Variants in CADM1 observed in about 807,000 individuals in gnomAD.
CADM1 encodes the protein cell adhesion molecule 1.
In CADM1, 15 loss-of-function variants were observed where a neutral mutation model predicts 53.1. The ratio of observed to expected loss-of-function variants is 0.28; its 90% CI spans 0.19 to 0.44. The LOEUF is 0.44. CADM1 is among the 20% of genes least tolerant of loss of function. The pLI, the probability that CADM1 is intolerant of heterozygous loss-of-function variation, is 1.00. For missense variants in CADM1, 434 were observed against 611.3 expected (o/e 0.71, Z 3.06); for synonymous variants, 281 against 243.0 (o/e 1.16, Z -1.45).
intron 9 of CADM1, among the ~76,000 whole-genome samples, chr11:115,196,876 G>A (rs1404248158): frequency 6.6e-6 from 1 of 152,156 alleles, no homozygotes; most frequent in Non-Finnish European, 1.5e-5. Context: ...GTCAGGAGGT[G>A]CTCAATTAAT....
At chr11:115,289,887 G>A (rs530543076) in intron 1 of CADM1, among the ~76,000 whole-genome samples, 10 of 152,188 alleles carry the variant, frequency 6.6e-5, no homozygotes, top group Middle Eastern at 6.8e-3. Context: ...GAACCACCGC[G>A]CCCGGCCCTG....
At chr11:115,427,457 T>C (rs578246886) in intron 1 of CADM1, among the ~76,000 whole-genome samples, 7 of 152,240 alleles carry the variant, frequency 4.6e-5, no homozygotes, top group African/African-American at 9.6e-5. Context: ...TGCTGTCCCA[T>C]AGGGTTTCTA....
At chr11:115,442,608 G>A (rs920141426) in intron 1 of CADM1, among the ~76,000 whole-genome samples, 1 of 152,100 alleles carries the variant, frequency 6.6e-6, no homozygotes, top group Non-Finnish European at 1.5e-5. Flanking sequence ...TTATTTCATT[G>A]AGTTTACTCC....
At chr11:115,455,416 TAG>T (rs916168336) in intron 1 of CADM1, among the ~76,000 whole-genome samples, 26 of 148,934 alleles carry the variant, frequency 1.7e-4, no homozygotes, top group Non-Finnish European at 2.1e-4. Flanking sequence ...TATATATATA[TAG>T]AGAGAGAGAG....
intron 1 of CADM1, among the ~76,000 whole-genome samples, chr11:115,466,046 C>T (rs1486194770): frequency 6.6e-6 from 1 of 151,970 alleles, no homozygotes; most frequent in Non-Finnish European, 1.5e-5. Context: ...TTCATTTAGC[C>T]ATACAGGTAA....
At chr11:115,221,332 C>T (rs1941397511) in intron 5 of CADM1, among the ~76,000 whole-genome samples, 1 of 152,048 alleles carries the variant, frequency 6.6e-6, no homozygotes, top group African/African-American at 2.4e-5. Flanking sequence ...TTTTTAAACC[C>T]TGTAAAAGAC....
chr11:115,431,241 C>T (rs910607451), intron 1 of CADM1, among the ~76,000 whole-genome samples: 3 of 152,106 alleles, frequency 2.0e-5, no homozygotes, highest in Non-Finnish European at 2.9e-5. Context: ...GTCGGTATGT[C>T]ATTTATATGG....
intron 1 of CADM1, chr11:115,445,822 G>A (rs1321833991): frequency 2.2e-6 from 1 of 448,762 alleles, no homozygotes; most frequent in Admixed American, 2.4e-5. Context: ...TCCAGCCTGG[G>A]TGATGAAGTG....
intron 1 of CADM1, among the ~76,000 whole-genome samples, chr11:115,321,315 A>G (rs913831650): frequency 6.6e-6 from 1 of 152,190 alleles, no homozygotes; most frequent in Non-Finnish European, 1.5e-5. Flanking sequence ...TATGTTTTCA[A>G]CATCCTATGG....
intron 5 of CADM1, 95 bp downstream of exon 5, chr11:115,229,018 A>G (rs2134842196): frequency 9.1e-7 from 1 of 1,098,310 alleles, no homozygotes; most frequent in South Asian, 1.3e-5. Flanking sequence ...TTCTATGTAT[A>G]CTATATAAAA....
chr11:115,264,124 T>G (rs1301961113), intron 1 of CADM1, among the ~76,000 whole-genome samples: 1 of 152,208 alleles, frequency 6.6e-6, no homozygotes, highest in African/African-American at 2.4e-5. Context: ...AACATTCATT[T>G]TTTATTAATG....
intron 1 of CADM1, among the ~76,000 whole-genome samples, chr11:115,347,223 T>A (rs965722935): frequency 5.3e-5 from 8 of 150,544 alleles, no homozygotes; most frequent in Non-Finnish European, 1.0e-4. Flanking sequence ...AGACAATCCG[T>A]TTACTCATCA....
At chr11:115,385,067 A>C (rs1946666309) in intron 1 of CADM1, among the ~76,000 whole-genome samples, 1 of 152,170 alleles carries the variant, frequency 6.6e-6, no homozygotes, top group Non-Finnish European at 1.5e-5. Context: ...GTAGAGCTTA[A>C]AGAGATCCTA....
At chr11:115,205,363 A>C (rs1484229412) in intron 8 of CADM1, among the ~76,000 whole-genome samples, 1 of 152,206 alleles carries the variant, frequency 6.6e-6, no homozygotes, top group Non-Finnish European at 1.5e-5. Context: ...ACTATCACAG[A>C]AATGGGTAAG....
At chr11:115,430,653 T>C (rs12285972) in intron 1 of CADM1, among the ~76,000 whole-genome samples, 2,548 of 152,300 alleles carry the variant, frequency 0.017, 74 homozygotes, top group African/African-American at 0.057. Flanking sequence ...GTTTTAGTAC[T>C]ATTATCTCAA....
chr11:115,468,205 T>C (rs1395144298), intron 1 of CADM1, among the ~76,000 whole-genome samples: 2 of 152,170 alleles, frequency 1.3e-5, no homozygotes, highest in Non-Finnish European at 2.9e-5. Flanking sequence ...TTTTGTGAAA[T>C]AGATACATGT....
chr11:115,387,764 G>A (rs1946734835), intron 1 of CADM1, among the ~76,000 whole-genome samples: 1 of 152,068 alleles, frequency 6.6e-6, no homozygotes, highest in African/African-American at 2.4e-5. Context: ...CCTAAAATAT[G>A]TGCTTGTGTA....
intron 1 of CADM1, among the ~76,000 whole-genome samples, chr11:115,250,795 A>G (rs1942579184): frequency 6.6e-6 from 1 of 152,134 alleles, no homozygotes; most frequent in Admixed American, 6.5e-5. Flanking sequence ...TATCATCTCC[A>G]TTACACAGAC....
intron 5 of CADM1, among the ~76,000 whole-genome samples, chr11:115,221,868 A>G (rs1281713982): frequency 6.6e-6 from 1 of 152,006 alleles, no homozygotes; most frequent in Non-Finnish European, 1.5e-5. Flanking sequence ...CCAGCGGGAG[A>G]CCTATTATCC....
Sources: allele counts gnomAD v4.1 joint callset (sites outside exome capture counted in the v4.1 genomes callset), GRCh38; gene constraint gnomAD v4.1.1; transcripts MANE v1.5; gene names NCBI Gene and HGNC (gene_info 2026-07-23, HGNC 2026-07-21).